INTS10: variants seen among roughly 807,000 people sequenced by gnomAD.
INTS10 encodes integrator complex subunit 10, also known as chromosome 8 open reading frame 35.
Under a neutral mutation model 94.4 loss-of-function variants are expected in INTS10, and 44 were observed. The ratio of observed to expected loss-of-function variants is 0.47; its 90% CI spans 0.37 to 0.60. The LOEUF (loss-of-function observed/expected upper bound fraction) is 0.60. Ranked by LOEUF, INTS10 falls within the 20% of genes least tolerant of loss-of-function variation. INTS10 has a pLI of 0.00. For missense variants in INTS10, 797 were observed against 868.7 expected (o/e 0.92, Z 1.04); for synonymous variants, 341 against 320.7 (o/e 1.06, Z -0.68).
intron 13 of INTS10, among the ~76,000 whole-genome samples, chr8:19,840,603 C>T (rs1218892219): frequency 1.3e-5 from 2 of 152,008 alleles, no homozygotes; most frequent in Non-Finnish European, 2.9e-5. Context: ...AATGGAGAAT[C>T]CAGAAATAGA....
At chr8:19,839,933 C>T (rs2067989865) in intron 13 of INTS10, among the ~76,000 whole-genome samples, 1 of 151,680 alleles carries the variant, frequency 6.6e-6, no homozygotes, top group African/African-American at 2.4e-5. Context: ...TATAGTGGCA[C>T]ACACCTTTAA....
chr8:19,828,874 T>A (rs10092772), intron 9 of INTS10, among the ~76,000 whole-genome samples: 97,604 of 151,810 alleles, frequency 0.64, 31,497 homozygotes, highest in South Asian at 0.67. Flanking sequence ...CAGGTTTTGA[T>A]TGGAAAAGGT....
chr8:19,824,839 C>G lies in INTS10; in HGVS notation c.873C>G (p.Leu291=). The stretch of plus-strand genomic sequence containing the variant: ...ATATTTTGCATAGAATGAAGGATCT[C>G]TGCAGATACATGAACAACTTTGATA... The part of the protein sequence containing the change: ...YGDILHRMKD[L]CRYMNNFDSE... The change falls in exon 8 of 17, where the codon CTC becomes CTG. Residue 291 remains leucine (L), a synonymous_variant. Coordinates refer to ENST00000397977, the MANE Select transcript of INTS10 (RefSeq NM_018142.4). 1 of 1,612,178 alleles carries G rather than the reference C, an allele frequency of 6.2e-7. No homozygotes were observed. Among genetic ancestry groups the G allele is most frequent in the Non-Finnish European group, 8.5e-7 (1 of 1,178,498 alleles).
intron 12 of INTS10, 50 bp downstream of exon 12, chr8:19,833,371 G>A (rs773474127): frequency 1.4e-6 from 2 of 1,384,788 alleles, no homozygotes; most frequent in South Asian, 3.2e-5. Context: ...GGGCCACCTG[G>A]CCTTTCTCCT....
intron 13 of INTS10, among the ~76,000 whole-genome samples, chr8:19,840,535 C>T (rs1053251831): frequency 1.2e-4 from 18 of 152,040 alleles, no homozygotes; most frequent in Admixed American, 6.5e-5. Context: ...TACATAATAA[C>T]AAGACTTAAT....
chr8:19,844,363 G>T, intron 15 of INTS10, 125 bp downstream of exon 15: 1 of 744,496 alleles, frequency 1.3e-6, no homozygotes. Flanking sequence ...CGAAGAGAAG[G>T]AATGGGGATT....
Position 19,817,537 on chromosome 8 carries a change from C to T in INTS10, c.-1C>T, listed in dbSNP as rs780498411. ...GCTGGCGGCTGGAGAGCGCTCGGGT[C>T]ATGTCTGCCCAGGGGGACTGCGAGT... On this transcript the variant is annotated 5_prime_UTR_variant, in exon 1 of 17. Coordinates refer to ENST00000397977, the MANE Select transcript of INTS10 (RefSeq NM_018142.4). 9 of 1,606,566 alleles carry T rather than the reference C, an allele frequency of 5.6e-6. No individual in the cohort carries two copies. Among genetic ancestry groups the T allele is most frequent in the South Asian group, 1.1e-5 (1 of 89,878 alleles).
At chr8:19,847,180 G>T (rs1005856349) in intron 16 of INTS10, among the ~76,000 whole-genome samples, 1 of 152,110 alleles carries the variant, frequency 6.6e-6, no homozygotes. Context: ...AGATTAAGTG[G>T]TTTTTTCTCC....
rs2068352708 is a variant in INTS10 at position 19,843,969 on chromosome 8, C to G, written c.1720-107C>G. On this transcript the variant is annotated intron_variant, in intron 14 of 16. Coordinates refer to ENST00000397977, the MANE Select transcript of INTS10 (RefSeq NM_018142.4). This position sits in a 1 kb window ranked among gnomAD's most constrained non-coding sequence, Gnocchi z 4.7. ...TCCTTCTTACTCTAATGACGTTTAT[C>G]ACACATTTGCATATACAGCATATTT... is the stretch of plus-strand genomic sequence containing the variant. 2 of 792,984 alleles carry G rather than the reference C, an allele frequency of 2.5e-6. No homozygotes were observed. The highest frequency in any genetic ancestry group is 2.1e-5 in the South Asian group (1 of 46,742). 49.1% of individuals were successfully genotyped at this position (792,984 alleles called of 1,614,324 possible). A position where few individuals can be genotyped will look rare whatever the true frequency, so the allele number is the denominator to read the frequency against.
intron 13 of INTS10, chr8:19,837,427 G>A (rs188529827): frequency 9.1e-4 from 277 of 305,106 alleles, no homozygotes; most frequent in African/African-American, 5.4e-3. Flanking sequence ...TTGCCAAATT[G>A]TATAAAAAGT....
chr8:19,845,906 T>C, intron 16 of INTS10, 109 bp downstream of exon 16: 1 of 688,088 alleles, frequency 1.5e-6, no homozygotes, highest in Non-Finnish European at 2.5e-6. Context: ...CAAAGGACTT[T>C]AAACCTGGTC....
At chr8:19,825,725 G>A (rs142451764) in intron 8 of INTS10, among the ~76,000 whole-genome samples, 59 of 152,104 alleles carry the variant, frequency 3.9e-4, no homozygotes, top group African/African-American at 1.0e-3. Context: ...TACAGCGGTC[G>A]TTTTTACGTA....
Position 19,833,312 on chromosome 8 carries a change from G to A in INTS10, c.1521G>A (p.Gly507=). ...TGGCGACGTGCCACTTTGCGCTAGG[G>A]GAGTACAGAGTGAGTACTGCACACA... ...IQLATCHFAL[G]EYRMTCEKVL... Residue 507 remains glycine (G), a synonymous_variant, in exon 12 of 17, where the codon GGG becomes GGA. Coordinates refer to ENST00000397977, the MANE Select transcript of INTS10 (RefSeq NM_018142.4). 1 of 1,609,210 alleles carries A rather than the reference G, an allele frequency of 6.2e-7. No homozygotes were observed. The highest frequency in any genetic ancestry group is 8.5e-7 in the Non-Finnish European group (1 of 1,177,786).
In INTS10 at chr8:19,847,594, C is replaced by T. The variant is rs376719381; in HGVS notation, c.1976+1797C>T. ...CGAAGTCTGTGTACATAGGATTAAA[C>T]CTGCAGATGATTATCACTTTACCTA... On this transcript the variant is annotated intron_variant, in intron 16 of 16. Transcript: ENST00000397977. Among the ~76,000 whole-genome samples the T allele has an allele frequency of 6.6e-5, 10 of 152,266 alleles. No individual in the cohort carries two copies. The East Asian group carries it at 1.9e-3, about 29-fold the overall frequency.
chr8:19,846,381 C>T lies in INTS10; in HGVS notation c.1976+584C>T, dbSNP rs1022176688. Among the ~76,000 whole-genome samples the T allele has an allele frequency of 4.0e-5, 6 of 151,498 alleles. No individual in the cohort carries two copies. The highest frequency in any genetic ancestry group is 5.9e-5 in the Non-Finnish European group (4 of 67,910). On this transcript the variant is annotated intron_variant, in intron 16 of 16. Transcript: ENST00000397977. This position sits in a 1 kb window ranked among gnomAD's most constrained non-coding sequence, Gnocchi z 4.2. The stretch of plus-strand genomic sequence containing the variant: ...CCAGGAGGTGGAGGTTGCAGTGAGC[C>T]GAGGTCGCGCCATTACACTCCAGCC...
At chr8:19,844,847 G>A (rs1329614311) in intron 15 of INTS10, among the ~76,000 whole-genome samples, 1 of 152,076 alleles carries the variant, frequency 6.6e-6, no homozygotes, top group African/African-American at 2.4e-5. Flanking sequence ...TGAATTGCAA[G>A]GAATATAAAT....
intron 10 of INTS10, 88 bp downstream of exon 10, chr8:19,830,647 A>G: frequency 3.2e-6 from 4 of 1,268,862 alleles, no homozygotes; most frequent in Non-Finnish European, 4.4e-6. Context: ...ACGGCAAATT[A>G]AGTTGATTAC....
In INTS10 at chr8:19,845,777, C is replaced by T. The variant is rs778319377; in HGVS notation, c.1956C>T (p.Pro652=). The change falls in exon 16 of 17, where the codon CCC becomes CCT. Residue 652 remains proline (P), a synonymous_variant. Transcript: ENST00000397977. The stretch of plus-strand genomic sequence containing the variant: ...GGAAAATTCATCTGGAATTACTACC[C>T]AATCAAGGAATGCTGATCAAGTAAG... The part of the protein sequence containing the change: ...EGGKIHLELL[P]NQGMLIKHHT... The T allele has an allele frequency of 4.3e-6, 7 of 1,612,886 alleles. No homozygotes were observed. Among genetic ancestry groups the T allele is most frequent in the Non-Finnish European group, 5.9e-6 (7 of 1,178,854 alleles).
At position 19,820,548 on chromosome 8, in the gene INTS10, T is replaced by C. The variant is rs376318962; in HGVS notation, c.441+30T>C. 22 of 1,591,228 alleles carry C rather than the reference T, an allele frequency of 1.4e-5. No homozygotes were observed. In the African/African-American group the frequency reaches 2.7e-4, roughly 19 times the overall value. On this transcript the variant is annotated intron_variant, in intron 4 of 16. Transcript: ENST00000397977. ...GATTTGATTCTTCCCCTTCTTTTAA[T>C]ATAAAATACAATGGGTCATCAACAG...
Sources: gnomAD v4.1 joint callset for allele counts (sites outside exome capture counted in the v4.1 genomes callset) on GRCh38, gnomAD v4.1.1 for gene constraint, Gnocchi (gnomAD v3.1) non-coding constraint, MANE v1.5 for transcripts, NCBI Gene and HGNC (gene_info 2026-07-23, HGNC 2026-07-21) for gene names.